Variants in DMD observed in about 807,000 individuals in gnomAD.
DMD encodes mutant dystrophin.
A neutral mutation model predicts 330.1 loss-of-function variants in DMD; 63 were observed. That is an observed-to-expected ratio of 0.19 (90% confidence interval 0.16 to 0.24). The LOEUF (loss-of-function observed/expected upper bound fraction) is 0.24. Ranked by LOEUF, DMD falls within the 10% of genes least tolerant of loss-of-function variation. The pLI is 1.00. For synonymous variants in DMD, 1,223 were observed against 959.8 expected, an observed-to-expected ratio of 1.27 and a Z score of -5.07; for missense variants, 3,344 against 2,684.1, an observed-to-expected ratio of 1.25 and a Z score of -5.43.
At chrX:32,500,047 C>T (rs906330214) in intron 19 of DMD, among the ~76,000 whole-genome samples, 2 of 110,498 alleles carry the variant, frequency 1.8e-5, no homozygotes, top group South Asian at 3.8e-4. Context: ...CGTATCAGTT[C>T]GACCATATCT....
chrX:31,759,859 C>T (rs1284431687), intron 51 of DMD, among the ~76,000 whole-genome samples: 1 of 110,700 alleles, frequency 9.0e-6, no homozygotes, highest in Admixed American at 9.7e-5. Context: ...AGACATAGTG[C>T]GAAGAGAAAA....
At position 33,067,175 on chromosome X, in the gene DMD, A is replaced by G. The variant is rs141614040; in HGVS notation, c.32-46975T>C. ...ATAACACGTATACCTACTCGATCCTACAAGTGCGTGGTTCTGAACAGAAGC... is the reference window on the plus strand; with the variant it reads ...ATAACACGTATACCTACTCGATCCTGCAAGTGCGTGGTTCTGAACAGAAGC... On this transcript the variant is annotated intron_variant, in intron 1 of 78. Transcript: ENST00000357033. Among the ~76,000 whole-genome samples, 620 of 112,226 alleles carry G rather than the reference A, an allele frequency of 5.5e-3. 7 individuals are homozygous for G. Among genetic ancestry groups the G allele is most frequent in the African/African-American group, 0.019 (594 of 30,891 alleles).
intron 4 of DMD, among the ~76,000 whole-genome samples, chrX:32,844,414 AAAAAAAAGAAAAGAAAAG>A (rs1331721362): frequency 7.3e-5 from 7 of 95,639 alleles, no homozygotes; most frequent in Admixed American, 1.2e-4. Context: ...CTCAAAAAAA[AAAAAAAAGAAAAGAAAAG>A]AAAAGAAAAG....
chrX:31,411,007 C>G (rs1197309882), intron 60 of DMD, among the ~76,000 whole-genome samples: 2 of 103,626 alleles, frequency 1.9e-5, no homozygotes, highest in Admixed American at 1.1e-4. Flanking sequence ...CTCAAGTGAT[C>G]CCCCTGCTTC....
chrX:31,558,892 C>T (rs112307100), intron 55 of DMD, among the ~76,000 whole-genome samples: 15,966 of 110,959 alleles, frequency 0.14, 917 homozygotes, highest in Middle Eastern at 0.23. Flanking sequence ...ACATTCAATG[C>T]ATATCTAAGC....
chrX:32,759,424 T>C (rs2071936048), intron 7 of DMD, among the ~76,000 whole-genome samples: 1 of 111,824 alleles, frequency 8.9e-6, no homozygotes, highest in Non-Finnish European at 1.9e-5. Flanking sequence ...TCAATGTTCA[T>C]TCTGATTTCC....
intron 61 of DMD, among the ~76,000 whole-genome samples, chrX:31,345,056 C>G (rs1602025698): frequency 9.0e-6 from 1 of 111,699 alleles, no homozygotes; most frequent in African/African-American, 3.3e-5. Flanking sequence ...AAGAAACAAT[C>G]CATCCTTAGT....
chrX:32,764,157 T>C lies in DMD; in HGVS notation c.649+45336A>G, dbSNP rs1183965425. On this transcript the variant is annotated intron_variant, in intron 7 of 78. Transcript: ENST00000357033. ...TGTTTAGAGAACAATCTGGAAAATA[T>C]ATACTCACAGACAATAGGCATACAA... 7.3e-5 allele frequency among the ~76,000 whole-genome samples: 8 copies of C among 110,071 alleles called. No individual in the cohort carries two copies. In the East Asian group the frequency reaches 2.3e-3, roughly 31 times the overall value.
In DMD at chrX:32,107,657, G is replaced by T. The variant is rs183688046; in HGVS notation, c.6438+109259C>A. Among the ~76,000 whole-genome samples, 4 of 110,567 alleles carry T rather than the reference G, an allele frequency of 3.6e-5. No individual in the cohort carries two copies. The East Asian group carries it at 8.6e-4, about 24-fold the overall frequency. Reference sequence around the variant, plus strand: ...AGGGTCAGTGTTTTTCTTCTATTCAGGCCTTTAATTAATTACATGAAGTCT... The same window carrying T: ...AGGGTCAGTGTTTTTCTTCTATTCATGCCTTTAATTAATTACATGAAGTCT... On this transcript the variant is annotated intron_variant, in intron 44 of 78. Transcript: ENST00000357033.
At chrX:32,740,239 A>G (rs1214525411) in intron 7 of DMD, among the ~76,000 whole-genome samples, 3 of 110,517 alleles carry the variant, frequency 2.7e-5, no homozygotes, top group African/African-American at 9.8e-5. Context: ...ATCTATAGTG[A>G]CATGAAGTTT....
At chrX:32,811,208 G>C (rs1436490289) in intron 6 of DMD, among the ~76,000 whole-genome samples, 1 of 107,669 alleles carries the variant, frequency 9.3e-6, no homozygotes, top group African/African-American at 3.4e-5. Context: ...AGCCAAGTGT[G>C]CTGGCATGCC....
intron 15 of DMD, among the ~76,000 whole-genome samples, chrX:32,571,125 TATGATTGACCGTCTGAAGCAC>T (rs1217632535): frequency 8.9e-6 from 1 of 111,745 alleles, no homozygotes; most frequent in Non-Finnish European, 1.9e-5. Flanking sequence ...CCATCACCAT[TATGATTGACCGTCTGAAGCAC>T]ATGATTCTGT....
chrX:31,310,735 T>C (rs1165831581), intron 62 of DMD, among the ~76,000 whole-genome samples: 1 of 105,900 alleles, frequency 9.4e-6, no homozygotes, highest in African/African-American at 3.4e-5. Flanking sequence ...TTTTTTTTTT[T>C]GTAGAGACCA....
chrX:32,219,646 G>A (rs771631300), intron 43 of DMD, among the ~76,000 whole-genome samples: 1 of 111,404 alleles, frequency 9.0e-6, no homozygotes, highest in African/African-American at 3.3e-5. Flanking sequence ...AGTTGGTCAC[G>A]ACTTACCACT....
At chrX:32,626,937 T>C (rs2058382312) in intron 11 of DMD, among the ~76,000 whole-genome samples, 1 of 105,668 alleles carries the variant, frequency 9.5e-6, no homozygotes, top group Non-Finnish European at 1.9e-5. Context: ...GGTGAATTAG[T>C]GGAATTTATA....
At chrX:33,146,379 A>T (rs2048032494) in intron 1 of DMD, among the ~76,000 whole-genome samples, 1 of 111,873 alleles carries the variant, frequency 8.9e-6, no homozygotes, top group Non-Finnish European at 1.9e-5. Flanking sequence ...ATAATTTTTA[A>T]ATTTTTATAA....
At chrX:32,042,192 C>T (rs748824874) in intron 44 of DMD, among the ~76,000 whole-genome samples, 30 of 95,751 alleles carry the variant, frequency 3.1e-4, no homozygotes, top group African/African-American at 1.1e-3. Flanking sequence ...CATACATATA[C>T]ACACACACAC....
At chrX:32,058,996 G>C (rs1284971908) in intron 44 of DMD, among the ~76,000 whole-genome samples, 2 of 111,220 alleles carry the variant, frequency 1.8e-5, no homozygotes, top group Non-Finnish European at 3.8e-5. Context: ...GTCGTAAAAG[G>C]ACAAATACTG....
chrX:32,311,069 A>G (rs145001082), intron 41 of DMD, among the ~76,000 whole-genome samples: 9,051 of 110,269 alleles, frequency 0.082, 397 homozygotes, highest in Non-Finnish European at 0.12. Context: ...TCTTTATAAG[A>G]GCAAAAAATA....
Sources: gnomAD v4.1 joint callset for allele counts (sites outside exome capture counted in the v4.1 genomes callset) on GRCh38, gnomAD v4.1.1 for gene constraint, MANE v1.5 for transcripts, NCBI Gene and HGNC (gene_info 2026-07-23, HGNC 2026-07-21) for gene names.